IGSF21: variants seen among roughly 807,000 people sequenced by gnomAD.
IGSF21 encodes the protein immunoglobin superfamily member 21.
IGSF21 carries 28 observed loss-of-function variants against 46.8 expected under a neutral mutation model. That is an observed-to-expected ratio of 0.60 (90% CI 0.44 to 0.82). The LOEUF (loss-of-function observed/expected upper bound fraction) is 0.82, where lower values mean the gene tolerates loss of function less well. IGSF21 is among the 40% of genes least tolerant of loss of function. The pLI is 0.00. For missense variants in IGSF21, 624 were observed against 665.5 expected (o/e 0.94, Z 0.69); for synonymous variants, 284 against 273.6 (o/e 1.04, Z -0.38).
chr1:18,208,135 G>C (rs2084350713), intron 1 of IGSF21, among the ~76,000 whole-genome samples: 1 of 151,796 alleles, frequency 6.6e-6, no homozygotes, highest in Non-Finnish European at 1.5e-5. Context: ...TGGGTTGGTG[G>C]AAGGAATAGC....
intron 3 of IGSF21, among the ~76,000 whole-genome samples, chr1:18,299,227 T>C (rs2085339478): frequency 6.6e-6 from 1 of 152,220 alleles, no homozygotes; most frequent in Non-Finnish European, 1.5e-5. Context: ...GACCACTCTA[T>C]GGGCAGACAA....
intron 1 of IGSF21, among the ~76,000 whole-genome samples, chr1:18,145,079 A>C (rs1413843984): frequency 2.0e-5 from 3 of 152,212 alleles, no homozygotes; most frequent in Admixed American, 2.0e-4. Flanking sequence ...TTAGAAAGGC[A>C]CAAAAAAGAA....
chr1:18,349,109 G>C (rs2085924392), intron 4 of IGSF21, among the ~76,000 whole-genome samples: 1 of 152,156 alleles, frequency 6.6e-6, no homozygotes, highest in African/African-American at 2.4e-5. Flanking sequence ...CTACTGAGGT[G>C]GTCATTCTTG....
intron 3 of IGSF21, among the ~76,000 whole-genome samples, chr1:18,330,949 G>A (rs185711380): frequency 7.9e-5 from 12 of 152,104 alleles, no homozygotes; most frequent in African/African-American, 1.7e-4. Context: ...GTTACCACCC[G>A]AAATCCGTAG....
At chr1:18,373,929 C>A (rs774012713) in intron 6 of IGSF21, among the ~76,000 whole-genome samples, 1 of 152,202 alleles carries the variant, frequency 6.6e-6, no homozygotes, top group Non-Finnish European at 1.5e-5. Context: ...GTTCCTTCTT[C>A]CCTTAGAACC....
Position 18,335,076 on chromosome 1 carries a change from T to A in IGSF21, c.424+66T>A. The stretch of plus-strand genomic sequence containing the variant: ...GGACGAGTATGCTTGAGTGTGTGAA[T>A]GTGCGCACAGAGTGGCCATCCTGGG... On this transcript the variant is annotated intron_variant, in intron 4 of 9. Transcript: ENST00000251296. The surrounding 1 kb of genome is among the most constrained non-coding windows in gnomAD (Gnocchi z 4.8). The A allele has an allele frequency of 7.9e-7, 1 of 1,272,434 alleles. No homozygotes were observed. The highest frequency in any genetic ancestry group is 1.1e-6 in the Non-Finnish European group (1 of 871,136). 78.8% of individuals were successfully genotyped at this position (1,272,434 alleles called of 1,614,324 possible). A position where few individuals can be genotyped will look rare whatever the true frequency, so the allele number is the denominator to read the frequency against.
At chr1:18,176,642 G>A (rs1418999666) in intron 1 of IGSF21, among the ~76,000 whole-genome samples, 1 of 152,136 alleles carries the variant, frequency 6.6e-6, no homozygotes, top group Admixed American at 6.5e-5. Flanking sequence ...GAGTATCTGC[G>A]CCCCTGACCC....
At chr1:18,233,493 A>G (rs115944907) in intron 2 of IGSF21, among the ~76,000 whole-genome samples, 5 of 152,166 alleles carry the variant, frequency 3.3e-5, no homozygotes. Flanking sequence ...TGGTGACCTA[A>G]CCTTTCAGCC....
chr1:18,225,085 T>TCTCTCACA, intron 1 of IGSF21, among the ~76,000 whole-genome samples: 4 of 51,612 alleles, frequency 7.8e-5, no homozygotes, highest in African/African-American at 2.8e-4. Context: ...TCTCTCTCTC[T>TCTCTCACA]CACACACACA....
At chr1:18,198,785 C>A (rs555905604) in intron 1 of IGSF21, among the ~76,000 whole-genome samples, 1 of 152,266 alleles carries the variant, frequency 6.6e-6, no homozygotes, top group Non-Finnish European at 1.5e-5. Flanking sequence ...TCTGTCACCA[C>A]CCCCCTGGCC....
chr1:18,248,902 C>G (rs2084809631), intron 2 of IGSF21, among the ~76,000 whole-genome samples: 1 of 151,872 alleles, frequency 6.6e-6, no homozygotes, highest in Non-Finnish European at 1.5e-5. Context: ...ATAGCATGGA[C>G]CCCCCCAAGC....
chr1:18,313,529 C>G (rs2085511047), intron 3 of IGSF21, among the ~76,000 whole-genome samples: 1 of 152,124 alleles, frequency 6.6e-6, no homozygotes, highest in Non-Finnish European at 1.5e-5. Flanking sequence ...TAATAAAGCT[C>G]TTAGAACTGG....
chr1:18,377,236 A>C (rs1336967218), intron 8 of IGSF21, among the ~76,000 whole-genome samples, 157 bp from the exon 9 acceptor site: 1 of 152,134 alleles, frequency 6.6e-6, no homozygotes, highest in Non-Finnish European at 1.5e-5. Flanking sequence ...CCATCTGCAA[A>C]ATGGGGCTGA....
At chr1:18,325,828 G>A (rs1279236887) in intron 3 of IGSF21, among the ~76,000 whole-genome samples, 1 of 152,184 alleles carries the variant, frequency 6.6e-6, no homozygotes, top group Non-Finnish European at 1.5e-5. Context: ...GTCCTGGGAG[G>A]TTTGTGCTCT....
At chr1:18,333,101 G>T (rs1451816262) in intron 3 of IGSF21, among the ~76,000 whole-genome samples, 4 of 152,190 alleles carry the variant, frequency 2.6e-5, no homozygotes, top group Non-Finnish European at 5.9e-5. Context: ...GGTGGCAGAT[G>T]GGTCACACGC....
At chr1:18,347,041 G>T (rs1291918336) in intron 4 of IGSF21, among the ~76,000 whole-genome samples, 1 of 152,230 alleles carries the variant, frequency 6.6e-6, no homozygotes, top group Non-Finnish European at 1.5e-5. Flanking sequence ...AGACAGATGG[G>T]TTTGGGGCTC....
chr1:18,160,251 T>A (rs767927435), intron 1 of IGSF21, among the ~76,000 whole-genome samples: 1 of 152,198 alleles, frequency 6.6e-6, no homozygotes, highest in Admixed American at 6.5e-5. Context: ...AGAGCCTAGC[T>A]CTGGGACTTA....
At chr1:18,285,171 G>A (rs1246253431) in intron 2 of IGSF21, among the ~76,000 whole-genome samples, 1 of 146,590 alleles carries the variant, frequency 6.8e-6, no homozygotes, top group African/African-American at 2.5e-5. Context: ...GTGGGGGGAG[G>A]TGATATTTTC....
chr1:18,317,655 C>T (rs1048316867), intron 3 of IGSF21, among the ~76,000 whole-genome samples: 1 of 152,214 alleles, frequency 6.6e-6, no homozygotes, highest in African/African-American at 2.4e-5. Flanking sequence ...TTCCCCCACT[C>T]AGTCTATGGC....
Sources: allele counts gnomAD v4.1 joint callset (sites outside exome capture counted in the v4.1 genomes callset), GRCh38; gene constraint gnomAD v4.1.1; non-coding constraint Gnocchi (gnomAD v3.1); transcripts MANE v1.5; gene names NCBI Gene and HGNC (gene_info 2026-07-23, HGNC 2026-07-21).